The following ATP8A2 variants were observed in gnomAD, a reference collection of about 807,000 sequenced individuals.
The protein encoded by ATP8A2 is ATPase phospholipid transporting 8A2.
ATP8A2 carries 100 observed loss-of-function variants against 165.6 expected under a neutral mutation model. The ratio of observed to expected loss-of-function variants is 0.60; its 90% CI spans 0.51 to 0.71. ATP8A2 has a LOEUF of 0.71. Ranked by LOEUF, ATP8A2 falls within the 30% of genes least tolerant of loss-of-function variation. The pLI is 0.00. For synonymous variants in ATP8A2, 543 were observed against 548.8 expected (o/e 0.99, Z 0.15); for missense variants, 1,227 against 1,479.5 (o/e 0.83, Z 2.80).
intron 23 of ATP8A2, among the ~76,000 whole-genome samples, chr13:25,587,817 A>G (rs547684797): frequency 3.5e-4 from 54 of 152,332 alleles, no homozygotes; most frequent in African/African-American, 1.2e-3. Context: ...TTTAATGGGA[A>G]ACAAAGAGTT....
intron 1 of ATP8A2, among the ~76,000 whole-genome samples, chr13:25,408,374 A>G (rs1446745576): frequency 2.1e-5 from 3 of 143,682 alleles, no homozygotes; most frequent in African/African-American, 5.3e-5. Flanking sequence ...GCCTGGTGAC[A>G]GAGCAAGACT....
Position 25,909,526 on chromosome 13 carries a change from C to T in ATP8A2, c.3183+47118C>T, listed in dbSNP as rs183177570. 4.4e-3 allele frequency among the ~76,000 whole-genome samples: 670 copies of T among 152,168 alleles called. 1 individual carries two copies. The highest frequency in any genetic ancestry group is 0.024 in the Middle Eastern group (7 of 292). Reference sequence around the variant, plus strand: ...TATTATTATGCATTTTAGGTTGGTGCAAAAGTCAACCGCAATTACTTTTAT... The same window carrying T: ...TATTATTATGCATTTTAGGTTGGTGTAAAAGTCAACCGCAATTACTTTTAT... On this transcript the variant is annotated intron_variant, in intron 33 of 36. Coordinates refer to ENST00000381655, the MANE Select transcript of ATP8A2 (RefSeq NM_016529.6).
At chr13:25,941,458 GC>G (rs1955070520) in intron 33 of ATP8A2, among the ~76,000 whole-genome samples, 1 of 152,124 alleles carries the variant, frequency 6.6e-6, no homozygotes, top group Non-Finnish European at 1.5e-5. Context: ...TCTGTAGGAG[GC>G]AGCGTGTCTG....
At chr13:25,862,451 C>CA (rs747036249) in intron 33 of ATP8A2, 43 bp downstream of exon 33, 2 of 1,475,786 alleles carry the variant, frequency 1.4e-6, no homozygotes, top group Non-Finnish European at 1.9e-6. Flanking sequence ...TGTCTTGTGA[C>CA]AGCAATGTTT....
chr13:25,455,868 C>T (rs756201472), intron 1 of ATP8A2, among the ~76,000 whole-genome samples: 7 of 152,222 alleles, frequency 4.6e-5, no homozygotes, highest in Non-Finnish European at 1.0e-4. Flanking sequence ...GTTTCCACTA[C>T]TAGATCATTT....
intron 13 of ATP8A2, among the ~76,000 whole-genome samples, chr13:25,556,717 C>T (rs61948626): frequency 0.047 from 7,163 of 152,148 alleles, 193 homozygotes; most frequent in Non-Finnish European, 0.051. Context: ...TCAAACCCAC[C>T]AGGAACCCTA....
At chr13:25,736,388 C>G (rs1405993667) in intron 25 of ATP8A2, among the ~76,000 whole-genome samples, 2 of 152,186 alleles carry the variant, frequency 1.3e-5, no homozygotes, top group Non-Finnish European at 2.9e-5. Flanking sequence ...GCAATGAACC[C>G]TGTGTTCCTG....
At chr13:25,849,531 G>A (rs909406977) in intron 30 of ATP8A2, among the ~76,000 whole-genome samples, 4 of 152,300 alleles carry the variant, frequency 2.6e-5, no homozygotes, top group African/African-American at 9.6e-5. Flanking sequence ...TTTAGAAAAT[G>A]AGACATGCTT....
intron 27 of ATP8A2, among the ~76,000 whole-genome samples, chr13:25,826,141 G>T (rs1258650788): frequency 6.6e-6 from 1 of 152,146 alleles, no homozygotes; most frequent in African/African-American, 2.4e-5. Flanking sequence ...AGATATGTTA[G>T]TTAGAATGAC....
chr13:25,545,671 G>A (rs1256074971), intron 10 of ATP8A2, among the ~76,000 whole-genome samples: 1 of 152,162 alleles, frequency 6.6e-6, no homozygotes, highest in Non-Finnish European at 1.5e-5. Flanking sequence ...GTCTGGCTTT[G>A]TTGCCCAGGC....
intron 27 of ATP8A2, among the ~76,000 whole-genome samples, chr13:25,787,918 C>T (rs574033530): frequency 3.3e-5 from 5 of 152,362 alleles, no homozygotes; most frequent in Non-Finnish European, 5.9e-5. Context: ...TGGTAGAAGA[C>T]GGAGGAGTTG....
chr13:25,639,839 C>T (rs1053472554), intron 24 of ATP8A2, among the ~76,000 whole-genome samples: 1 of 152,258 alleles, frequency 6.6e-6, no homozygotes, highest in African/African-American at 2.4e-5. Flanking sequence ...CCAAAATTGA[C>T]CACATAGTTG....
chr13:25,512,954 G>A (rs1298123075), intron 2 of ATP8A2, among the ~76,000 whole-genome samples: 2 of 135,034 alleles, frequency 1.5e-5, no homozygotes, highest in East Asian at 2.2e-4. Flanking sequence ...CTGGCCGGGT[G>A]GGGGGCTGAC....
rs561151910 is a variant in ATP8A2, at chr13:25,373,831, G to C, written c.76+1543G>C. On this transcript the variant is annotated intron_variant, in intron 1 of 36. Transcript: ENST00000381655. ...ATGAGTCTGGGGCTCCGGGGAGTGT[G>C]CAAGGCCAGACATAGAGATTCAAGA... 3.3e-5 allele frequency among the ~76,000 whole-genome samples: 5 copies of C among 152,302 alleles called. No individual in the cohort carries two copies. The South Asian group carries it at 1.0e-3, about 32-fold the overall frequency.
chr13:25,753,201 G>A lies in ATP8A2; in HGVS notation c.2385-15845G>A, dbSNP rs75821576. On this transcript the variant is annotated intron_variant, in intron 25 of 36. Transcript: ENST00000381655. The stretch of plus-strand genomic sequence containing the variant: ...AACAGCACGTCCAAGAACACTGTAT[G>A]AGCAAAAGTGGCAGGGAAATCCGGG... Among the ~76,000 whole-genome samples the A allele has an allele frequency of 4.1e-3, 628 of 152,332 alleles. 5 individuals carry two copies. Among genetic ancestry groups the A allele is most frequent in the African/African-American group, 0.014 (565 of 41,594 alleles).
chr13:25,432,647 C>T (rs1247596795), intron 1 of ATP8A2, among the ~76,000 whole-genome samples: 1 of 148,012 alleles, frequency 6.8e-6, no homozygotes, highest in Non-Finnish European at 1.5e-5. Context: ...CTCTAGCCTG[C>T]TCATTTTCTT....
intron 11 of ATP8A2, among the ~76,000 whole-genome samples, chr13:25,552,568 T>C (rs2038857147): frequency 1.3e-5 from 2 of 152,238 alleles, no homozygotes; most frequent in South Asian, 4.1e-4. Context: ...TTTGTGGATT[T>C]TAATTACTGT....
chr13:25,853,394 AAAATAT>A (rs200361673), intron 30 of ATP8A2, among the ~76,000 whole-genome samples: 3 of 11,614 alleles, frequency 2.6e-4, no homozygotes, highest in Non-Finnish European at 9.1e-4. Context: ...CTATCTAAAA[AAAATAT>A]ATATATATAT....
intron 25 of ATP8A2, among the ~76,000 whole-genome samples, chr13:25,751,939 A>G (rs1051994562): frequency 1.3e-5 from 2 of 150,400 alleles, no homozygotes; most frequent in African/African-American, 2.5e-5. Context: ...ATTGGATGCT[A>G]CTGTTACGTG....
Sources: allele counts gnomAD v4.1 joint callset (sites outside exome capture counted in the v4.1 genomes callset), GRCh38; gene constraint gnomAD v4.1.1; transcripts MANE v1.5; gene names NCBI Gene and HGNC (gene_info 2026-07-23, HGNC 2026-07-21).